Variants in ALDH5A1 observed in about 807,000 individuals in gnomAD.
The protein encoded by ALDH5A1 is succinate-semialdehyde dehydrogenase, mitochondrial.
ALDH5A1 carries 33 observed loss-of-function variants against 54.7 expected under a neutral mutation model. The ratio of observed to expected loss-of-function variants is 0.60; its 90% CI spans 0.46 to 0.81. ALDH5A1 has a LOEUF of 0.81. Among genes scored for constraint, ALDH5A1 ranks in the 30% least tolerant of loss-of-function variants. The probability of loss-of-function intolerance (pLI) is 0.00; values close to 1 mark genes in which losing one functional copy is unlikely to be tolerated. For missense variants in ALDH5A1, 657 were observed against 711.0 expected (o/e 0.92, Z 0.86); for synonymous variants, 294 against 292.7 (o/e 1.00, Z -0.05).
intron 4 of ALDH5A1, among the ~76,000 whole-genome samples, chr6:24,510,043 C>G (rs1293334303): frequency 1.3e-5 from 2 of 152,084 alleles, no homozygotes; most frequent in African/African-American, 4.8e-5. Context: ...TAATTTCCAT[C>G]TTGATTCCAT....
In ALDH5A1 at chr6:24,495,289, C is replaced by T. The variant is rs535825137; in HGVS notation, c.293C>T (p.Ala98Val). ...GMVADCGVRE[A>V]RAAVRAAYEA... is the part of the protein sequence containing the mutation. ...GTAGCCGACTGCGGGGTGCGAGAGG[C>T]CCGCGCCGCCGTGCGCGCTGCCTAC... Residue 98 changes from alanine (A) to valine (V), a missense_variant, in exon 1 of 10, where the codon GCC (alanine) becomes GTC (valine). This residue lies in a region of ALDH5A1 where 232 missense variants were observed against 194.6 expected (regional missense o/e 1.19). Transcript: ENST00000357578. 6 of 1,533,102 alleles carry T rather than the reference C, an allele frequency of 3.9e-6. No individual in the cohort carries two copies. The highest frequency in any genetic ancestry group is 4.4e-6 in the Non-Finnish European group (5 of 1,146,384). 95.0% of individuals were successfully genotyped at this position (1,533,102 alleles called of 1,614,324 possible). A position where few individuals can be genotyped will look rare whatever the true frequency, so the allele number is the denominator to read the frequency against.
intron 1 of ALDH5A1, among the ~76,000 whole-genome samples, chr6:24,500,149 T>C (rs1764792324): frequency 6.6e-6 from 1 of 152,250 alleles, no homozygotes; most frequent in Non-Finnish European, 1.5e-5. Context: ...TTTATCTGTT[T>C]TTTGTTCATT....
chr6:24,501,654 TG>T (rs1327106572), intron 1 of ALDH5A1, among the ~76,000 whole-genome samples: 3 of 152,100 alleles, frequency 2.0e-5, no homozygotes, highest in Non-Finnish European at 4.4e-5. Flanking sequence ...GAGGTTGCAG[TG>T]AGGTATGATC....
intron 1 of ALDH5A1, among the ~76,000 whole-genome samples, chr6:24,499,516 G>T (rs1159429780): frequency 1.3e-5 from 2 of 151,120 alleles, no homozygotes; most frequent in Admixed American, 1.3e-4. Context: ...TTCTGAGACA[G>T]GGTCTTGCTC....
chr6:24,504,832 T>C (rs752942894), intron 3 of ALDH5A1, 37 bp from the exon 4 acceptor site: 2 of 1,585,134 alleles, frequency 1.3e-6, no homozygotes, highest in Admixed American at 1.7e-5. Context: ...GAGGTGGTCC[T>C]TCCTCTCACA....
At chr6:24,532,578 A>G (rs1285429121) in intron 9 of ALDH5A1, among the ~76,000 whole-genome samples, 1 of 152,158 alleles carries the variant, frequency 6.6e-6, no homozygotes, top group Non-Finnish European at 1.5e-5. Flanking sequence ...TGTCAGGGAC[A>G]ATGAAAGGAG....
At position 24,537,018 on chromosome 6, in the gene ALDH5A1, ATT is replaced by A. The variant is rs1350558728; in HGVS notation, c.*3307_*3308del. The A allele has an allele frequency of 1.3e-5, 2 of 152,650 alleles. No individual in the cohort carries two copies. The highest frequency in any genetic ancestry group is 4.8e-5 in the African/African-American group (2 of 41,442). 9.5% of individuals were successfully genotyped at this position (152,650 alleles called of 1,614,324 possible). A position where few individuals can be genotyped will look rare whatever the true frequency, so the allele number is the denominator to read the frequency against. On this transcript the variant is annotated 3_prime_UTR_variant, in exon 10 of 10. Coordinates refer to ENST00000357578, the MANE Select transcript of ALDH5A1 (RefSeq NM_001080.3). ...TTACTTGAATAATATGTATGTTGTC[ATT>A]GTTTCATGCTATACTTTGTGGGATA...
At chr6:24,503,119 C>T (rs1759238117) in intron 2 of ALDH5A1, 144 bp from the exon 3 acceptor site, 2 of 983,078 alleles carry the variant, frequency 2.0e-6, no homozygotes, top group South Asian at 1.5e-5. Flanking sequence ...AAAACTCACA[C>T]CAAAGTCAGA....
chr6:24,509,468 C>T lies in ALDH5A1; in HGVS notation c.726+4483C>T, dbSNP rs189163033. On this transcript the variant is annotated intron_variant, in intron 4 of 9. Coordinates refer to ENST00000357578, the MANE Select transcript of ALDH5A1 (RefSeq NM_001080.3). The surrounding 1 kb of genome is among the most constrained non-coding windows in gnomAD (Gnocchi z 4.7). Reference sequence around the variant, plus strand: ...GAATTCTGCTGTGAATCTGTCTGGTCCTGAACTTTTTTTGGTTGGTAATTA... The same window carrying T: ...GAATTCTGCTGTGAATCTGTCTGGTTCTGAACTTTTTTTGGTTGGTAATTA... Among the ~76,000 whole-genome samples, 62 of 152,244 alleles carry T rather than the reference C, an allele frequency of 4.1e-4. 1 individual carries two copies. In the East Asian group the frequency reaches 0.012, roughly 28 times the overall value.
intron 7 of ALDH5A1, among the ~76,000 whole-genome samples, chr6:24,527,577 CAAAT>C (rs140565872): frequency 0.042 from 6,375 of 151,988 alleles, 349 homozygotes; most frequent in African/African-American, 0.13. Flanking sequence ...ATCTCAAAAA[CAAAT>C]AAATAAATAA....
intron 4 of ALDH5A1, among the ~76,000 whole-genome samples, chr6:24,506,038 A>T (rs1482759613): frequency 1.3e-5 from 2 of 151,578 alleles, no homozygotes; most frequent in Non-Finnish European, 2.9e-5. Context: ...TTCCCCCAGA[A>T]CACCTAAAAC....
chr6:24,533,593 A>G lies in ALDH5A1; in HGVS notation c.1489A>G (p.Ile497Val), dbSNP rs751015011. Residue 497 changes from isoleucine to valine, a missense_variant, in exon 10 of 10, where the codon ATT (isoleucine) becomes GTT (valine). Around this residue, in one of 2 missense-constraint regions of ALDH5A1, gnomAD observed 425 missense variants for 516.4 expected, o/e 0.82. Coordinates refer to ENST00000357578, the MANE Select transcript of ALDH5A1 (RefSeq NM_001080.3). ...VGMVGVNEGL[I>V]SSVECPFGGV... ...CATGGTTGGCGTCAACGAAGGATTA[A>G]TTTCCTCTGTGGAGTGCCCTTTTGG... 1.9e-6 allele frequency: 3 copies of G among 1,614,112 alleles called. No homozygotes were observed. The South Asian group carries it at 3.3e-5, about 18-fold the overall frequency.
At position 24,522,920 on chromosome 6, in the gene ALDH5A1, GA is replaced by G; in HGVS notation, c.1172del (p.Lys391ArgfsTer6). The G allele has an allele frequency of 6.3e-7, 1 of 1,583,028 alleles. No homozygotes were observed. The highest frequency in any genetic ancestry group is 8.6e-7 in the Non-Finnish European group (1 of 1,161,042). Reference protein sequence around the residue: ...QGPLINEKAVEKVEKQVNDAV... With the variant: ...QGPLINEKAVXKVEKQVNDAV... ...CCCATTAATTAATGAAAAAGCGGTA[GA>G]AAAGGTAAGTATATTGTATTATTTG... On this transcript the variant is annotated frameshift_variant, in exon 7 of 10. Coordinates refer to ENST00000357578, the MANE Select transcript of ALDH5A1 (RefSeq NM_001080.3). LOFTEE classifies it high-confidence loss of function.
chr6:24,505,065 T>C, intron 4 of ALDH5A1, 80 bp downstream of exon 4: 1 of 1,457,604 alleles, frequency 6.9e-7, no homozygotes. Flanking sequence ...AGAAGCAATT[T>C]TGGAGCCTAC....
chr6:24,521,933 G>C (rs1355770612), intron 6 of ALDH5A1, among the ~76,000 whole-genome samples: 2 of 142,514 alleles, frequency 1.4e-5, no homozygotes, highest in Non-Finnish European at 3.0e-5. Context: ...GTGGCATGAT[G>C]TCAGCTCACT....
chr6:24,522,742 G>A, intron 6 of ALDH5A1, 25 bp from the exon 7 acceptor site: 1 of 1,612,926 alleles, frequency 6.2e-7, no homozygotes, highest in South Asian at 1.1e-5. Flanking sequence ...CAGACTGTGT[G>A]GGTTTGTTTT....
chr6:24,497,358 C>T (rs186686366), intron 1 of ALDH5A1, among the ~76,000 whole-genome samples: 10 of 147,028 alleles, frequency 6.8e-5, no homozygotes, highest in East Asian at 1.9e-4. Flanking sequence ...TTTTACAGAG[C>T]GTTGATTGGT....
chr6:24,526,154 T>TTG (rs4646847), intron 7 of ALDH5A1, among the ~76,000 whole-genome samples: 76 of 151,798 alleles, frequency 5.0e-4, no homozygotes, highest in Middle Eastern at 6.8e-3. Context: ...AACCCAGTCC[T>TTG]TGTGTGTGTG....
rs1170416645 is a variant in ALDH5A1, at chr6:24,533,606, A to T, written c.1502A>T (p.Glu501Val). ...GVNEGLISSV[E>V]CPFGGVKQSG... ...AACGAAGGATTAATTTCCTCTGTGG[A>T]GTGCCCTTTTGGTGGAGTGAAGCAG... Residue 501 changes from glutamate (E) to valine (V), a missense_variant, in exon 10 of 10, where the codon GAG (glutamate) becomes GTG (valine). Glu to Val is a moderately radical substitution (Grantham distance 121, BLOSUM62 -2). Coordinates refer to ENST00000357578, the MANE Select transcript of ALDH5A1 (RefSeq NM_001080.3). 6.2e-7 allele frequency: 1 copy of T among 1,614,126 alleles called. No individual in the cohort carries two copies. Among genetic ancestry groups the T allele is most frequent in the Non-Finnish European group, 8.5e-7 (1 of 1,180,014 alleles).
Sources: gnomAD v4.1 joint callset for allele counts (sites outside exome capture counted in the v4.1 genomes callset) on GRCh38, gnomAD v4.1.1 for gene constraint, gnomAD v4.1.1 regional missense constraint, Gnocchi (gnomAD v3.1) non-coding constraint, MANE v1.5 for transcripts, NCBI Gene and HGNC (gene_info 2026-07-23, HGNC 2026-07-21) for gene names.